Variants in GMDS observed in about 807,000 individuals in gnomAD.
GMDS encodes GDP-mannose 4,6-dehydratase, also known as GDP-mannose 4,6 dehydratase.
GMDS carries 20 observed loss-of-function variants against 49.9 expected under a neutral mutation model. That is an observed-to-expected ratio of 0.40 (90% CI 0.28 to 0.58). The LOEUF (loss-of-function observed/expected upper bound fraction) is 0.58. Ranked by LOEUF, GMDS falls within the 20% of genes least tolerant of loss-of-function variation. The pLI is 0.42. For synonymous variants in GMDS, 177 were observed against 178.6 expected, an observed-to-expected ratio of 0.99 and a Z score of 0.07; for missense variants, 362 against 481.4, an observed-to-expected ratio of 0.75 and a Z score of 2.32.
At chr6:2,045,603 G>A (rs774726766) in intron 4 of GMDS, among the ~76,000 whole-genome samples, 23 of 151,890 alleles carry the variant, frequency 1.5e-4, no homozygotes, top group Non-Finnish European at 2.6e-4. Flanking sequence ...TGGTTTTGGG[G>A]GTTTTGTTTG....
chr6:2,086,369 C>G (rs144229955), intron 4 of GMDS, among the ~76,000 whole-genome samples: 1 of 152,216 alleles, frequency 6.6e-6, no homozygotes, highest in African/African-American at 2.4e-5. Flanking sequence ...TGATCTTACA[C>G]AATAGAAAAT....
chr6:2,240,497 A>G (rs1321090103), intron 1 of GMDS, among the ~76,000 whole-genome samples: 1 of 151,892 alleles, frequency 6.6e-6, no homozygotes, highest in Middle Eastern at 3.2e-3. Context: ...CCAGCTACTC[A>G]GGCAGCTAAG....
At chr6:1,668,834 T>C (rs1460564172) in intron 9 of GMDS, among the ~76,000 whole-genome samples, 1 of 152,212 alleles carries the variant, frequency 6.6e-6, no homozygotes, top group African/African-American at 2.4e-5. Context: ...TCTTGAAATA[T>C]GTGTAAAGAT....
chr6:1,971,388 T>C (rs1335102912), intron 4 of GMDS, among the ~76,000 whole-genome samples: 5 of 152,350 alleles, frequency 3.3e-5, no homozygotes, highest in Admixed American at 2.0e-4. Context: ...GTTGCAATTA[T>C]ATTTTTCTTC....
intron 4 of GMDS, among the ~76,000 whole-genome samples, chr6:1,979,824 C>T (rs759525787): frequency 1.9e-4 from 29 of 152,128 alleles, no homozygotes; most frequent in African/African-American, 6.8e-4. Flanking sequence ...CAAAGGGAAG[C>T]ACGTCAGACT....
At position 1,999,980 on chromosome 6, in the gene GMDS, A is replaced by ATATAT. The variant is rs1189385904; in HGVS notation, c.346-39015_346-39014insATATA. On this transcript the variant is annotated intron_variant, in intron 4 of 10. Coordinates refer to ENST00000380815, the MANE Select transcript of GMDS (RefSeq NM_001500.4). ...TATATTATATATATATTATATATAT[A>ATATAT]TTTTATATATATATATTATATATAT... is the stretch of plus-strand genomic sequence containing the variant. Among the ~76,000 whole-genome samples, 14 of 18,710 alleles carry ATATAT rather than the reference A, an allele frequency of 7.5e-4. 2 individuals are homozygous for ATATAT. The South Asian group carries it at 9.7e-3, about 13-fold the overall frequency. The allele number at this position is 18,710 out of a possible 152,430, so 12.3% of individuals were successfully genotyped here.
intron 4 of GMDS, among the ~76,000 whole-genome samples, chr6:2,042,185 C>T (rs1321646874): frequency 2.0e-5 from 3 of 152,156 alleles, no homozygotes; most frequent in East Asian, 1.9e-4. Context: ...CTTGCATTTA[C>T]GGGTGTTCCA....
At chr6:2,211,122 T>C (rs1466891215) in intron 1 of GMDS, among the ~76,000 whole-genome samples, 1 of 152,182 alleles carries the variant, frequency 6.6e-6, no homozygotes. Flanking sequence ...TCTTCATAAA[T>C]TACCCAGTCT....
At chr6:2,081,804 G>T (rs137971045) in intron 4 of GMDS, among the ~76,000 whole-genome samples, 1 of 152,174 alleles carries the variant, frequency 6.6e-6, no homozygotes, top group Non-Finnish European at 1.5e-5. Context: ...GTTCTAATGA[G>T]GTCTTTGGAA....
chr6:2,021,988 T>G (rs1768302905), intron 4 of GMDS, among the ~76,000 whole-genome samples: 1 of 152,156 alleles, frequency 6.6e-6, no homozygotes, highest in Non-Finnish European at 1.5e-5. Flanking sequence ...CTTTGTGTAA[T>G]CCTAATAAGC....
At chr6:2,186,323 T>C (rs1035355201) in intron 1 of GMDS, among the ~76,000 whole-genome samples, 10 of 152,264 alleles carry the variant, frequency 6.6e-5, no homozygotes, top group African/African-American at 2.4e-4. Flanking sequence ...AATCAGGGGA[T>C]ATTTTTAAGT....
intron 7 of GMDS, among the ~76,000 whole-genome samples, chr6:1,782,006 G>A (rs1769112076): frequency 6.6e-6 from 1 of 152,154 alleles, no homozygotes; most frequent in Non-Finnish European, 1.5e-5. Flanking sequence ...GCAACAGGCT[G>A]TTGTGCTTGG....
chr6:1,951,117 C>A (rs536100408), intron 6 of GMDS, among the ~76,000 whole-genome samples: 1 of 152,064 alleles, frequency 6.6e-6, no homozygotes, highest in East Asian at 1.9e-4. Flanking sequence ...TTAATCTTAT[C>A]TTTACAGCAA....
At chr6:1,869,899 G>T (rs185045868) in intron 7 of GMDS, among the ~76,000 whole-genome samples, 1 of 152,324 alleles carries the variant, frequency 6.6e-6, no homozygotes, top group East Asian at 1.9e-4. Flanking sequence ...CACACACTCT[G>T]GACAGGAGAG....
intron 4 of GMDS, among the ~76,000 whole-genome samples, chr6:2,059,749 A>G: frequency 7.0e-6 from 1 of 142,288 alleles, no homozygotes; most frequent in Non-Finnish European, 1.5e-5. Flanking sequence ...TCAACTCCTA[A>G]AGAAAAAAAA....
chr6:2,032,403 G>A (rs9501791), intron 4 of GMDS, among the ~76,000 whole-genome samples: 3,346 of 152,232 alleles, frequency 0.022, 122 homozygotes, highest in African/African-American at 0.074. Context: ...GAAATCTACA[G>A]AATTTCATGG....
At chr6:1,872,358 T>C (rs1758805913) in intron 7 of GMDS, among the ~76,000 whole-genome samples, 1 of 152,254 alleles carries the variant, frequency 6.6e-6, no homozygotes, top group Admixed American at 6.5e-5. Flanking sequence ...TTGCATGATG[T>C]CTGATGTATG....
At chr6:2,166,443 G>C (rs1037609376) in intron 1 of GMDS, among the ~76,000 whole-genome samples, 9 of 152,142 alleles carry the variant, frequency 5.9e-5, no homozygotes, top group African/African-American at 2.2e-4. Flanking sequence ...CTTCAAAACA[G>C]CATGTAAGAA....
chr6:2,208,176 A>G (rs1779891308), intron 1 of GMDS, among the ~76,000 whole-genome samples: 1 of 152,324 alleles, frequency 6.6e-6, no homozygotes, highest in East Asian at 1.9e-4. Flanking sequence ...GGGGTCAACG[A>G]TAATCAATGA....
Sources: gnomAD v4.1 joint callset for allele counts (sites outside exome capture counted in the v4.1 genomes callset) on GRCh38, gnomAD v4.1.1 for gene constraint, MANE v1.5 for transcripts, NCBI Gene and HGNC (gene_info 2026-07-23, HGNC 2026-07-21) for gene names.